The following TMEM260 variants were observed in gnomAD, a reference collection of about 807,000 sequenced individuals.
The protein encoded by TMEM260 is transmembrane protein 260.
TMEM260 carries 82 observed loss-of-function variants against 88.9 expected under a neutral mutation model. The observed-to-expected ratio is 0.92, with a 90% CI of 0.77 to 1.11. The LOEUF is 1.11. Among genes scored for constraint, TMEM260 ranks in the 50% least tolerant of loss-of-function variants. The pLI, the probability that TMEM260 is intolerant of heterozygous loss-of-function variation, is 0.00. For synonymous variants in TMEM260, 314 were observed against 309.3 expected (o/e 1.02, Z -0.16); for missense variants, 902 against 853.4 (o/e 1.06, Z -0.71).
At chr14:56,640,413 CA>C (rs1352389357) in intron 15 of TMEM260, among the ~76,000 whole-genome samples, 1 of 152,162 alleles carries the variant, frequency 6.6e-6, no homozygotes, top group Non-Finnish European at 1.5e-5. Context: ...CAGCAAACTC[CA>C]AAAGACCTGC....
rs890940479 is a variant in TMEM260 at position 56,596,406 on chromosome 14, GTATATA to G, written c.345-7394_345-7389del. Reference sequence around the variant, plus strand: ...AGTGTGTGTGTGTGTGTGTGTGTGTGTATATATATATATATATATACATACACACAC... The same window carrying G: ...AGTGTGTGTGTGTGTGTGTGTGTGTGTATATATATATATACATACACACAC... On this transcript the variant is annotated intron_variant, in intron 3 of 15. Transcript: ENST00000261556. Among the ~76,000 whole-genome samples, 15 of 111,326 alleles carry G rather than the reference GTATATA, an allele frequency of 1.3e-4. No homozygotes were observed. In the South Asian group the frequency reaches 1.4e-3, roughly 10 times the overall value. The allele number at this position is 111,326 out of a possible 152,430, so 73.0% of individuals were successfully genotyped here. A position where few individuals can be genotyped will look rare whatever the true frequency, so the allele number is the denominator to read the frequency against.
At chr14:56,631,828 TC>T in intron 12 of TMEM260, among the ~76,000 whole-genome samples, 1 of 152,118 alleles carries the variant, frequency 6.6e-6, no homozygotes, top group East Asian at 1.9e-4. Context: ...TTCAGGTGTT[TC>T]TATCTATCTG....
chr14:56,627,205 CTTAT>C (rs1454469818), intron 12 of TMEM260, among the ~76,000 whole-genome samples: 18 of 152,026 alleles, frequency 1.2e-4, no homozygotes, highest in African/African-American at 4.3e-4. Context: ...ATAAATATGA[CTTAT>C]TTAATATCAG....
intron 15 of TMEM260, among the ~76,000 whole-genome samples, chr14:56,640,926 G>A (rs1463644655): frequency 6.6e-6 from 1 of 151,978 alleles, no homozygotes; most frequent in Non-Finnish European, 1.5e-5. Flanking sequence ...ATGAAATGCA[G>A]CGAGAAGTTT....
chr14:56,585,589 T>C (rs1885441406), intron 2 of TMEM260, 172 bp from the exon 3 acceptor site: 2 of 606,404 alleles, frequency 3.3e-6, no homozygotes, highest in Non-Finnish European at 5.6e-6. Context: ...AAAGAAAATA[T>C]TTATTTGTAT....
chr14:56,637,018 G>C (rs1889145623), intron 15 of TMEM260, among the ~76,000 whole-genome samples: 1 of 152,110 alleles, frequency 6.6e-6, no homozygotes, highest in Non-Finnish European at 1.5e-5. Context: ...AGAAGCAGAG[G>C]GCAGAGAGAG....
chr14:56,625,659 C>A, intron 12 of TMEM260, 129 bp downstream of exon 12: 1 of 656,040 alleles, frequency 1.5e-6, no homozygotes, highest in Non-Finnish European at 2.5e-6. Context: ...GTGAGATTAT[C>A]TTTGTAATTA....
At chr14:56,596,543 G>A (rs1002439140) in intron 3 of TMEM260, among the ~76,000 whole-genome samples, 15 of 150,216 alleles carry the variant, frequency 1.0e-4, no homozygotes, top group African/African-American at 3.7e-4. Context: ...GAGGCGGGTG[G>A]ATCACCTGAG....
downstream of TMEM260, among the ~76,000 whole-genome samples, chr14:56,654,814 C>CAAAAAAAAA (rs750160414): frequency 3.9e-5 from 2 of 51,806 alleles, no homozygotes; most frequent in African/African-American, 2.0e-4. Context: ...AACTCCATCT[C>CAAAAAAAAA]AAAAAAAAAA....
chr14:56,634,679 G>T (rs2009290), intron 13 of TMEM260, among the ~76,000 whole-genome samples: 120,753 of 151,970 alleles, frequency 0.79, 48,272 homozygotes, highest in East Asian at 0.99. Context: ...CCATTTCCAC[G>T]AAAAATACAA....
chr14:56,650,903 C>T (rs1173313688), downstream of TMEM260, among the ~76,000 whole-genome samples: 2 of 152,022 alleles, frequency 1.3e-5, no homozygotes, highest in East Asian at 1.9e-4. Context: ...CTGTTACTCC[C>T]GACTTCTGGT....
In TMEM260 at chr14:56,615,954, AC is replaced by A; in HGVS notation, c.869del (p.Thr290LysfsTer3). 1.2e-6 allele frequency: 2 copies of A among 1,612,708 alleles called. No homozygotes were observed. The highest frequency in any genetic ancestry group is 1.7e-6 in the Non-Finnish European group (2 of 1,178,964). On this transcript the variant is annotated frameshift_variant, in exon 8 of 16. Coordinates refer to ENST00000261556, the MANE Select transcript of TMEM260 (RefSeq NM_017799.4). LOFTEE classifies it high-confidence loss of function. ...GATTGTTTTTTGCAGTTCTCAAGTA[AC>A]AAATATGAGGACCGAACTCTCATTC... ...SMSEILLSQV[T>X]NMRTELSFNI...
At position 56,633,054 on chromosome 14, in the gene TMEM260, A is replaced by C. The variant is rs747424981; in HGVS notation, c.1607A>C (p.Tyr536Ser). ...HEGDPTWKKN[Y>S]SLWPWGSCDK... ...GGCGACCCAACCTGGAAAAAGAACT[A>C]TTCACTTTGGCCATGGGGGTCTTGT... The change falls in exon 13 of 16, where the codon TAT becomes TCT. Residue 536 changes from tyrosine to serine, a missense_variant. Transcript: ENST00000261556. The C allele has an allele frequency of 3.7e-6, 6 of 1,613,794 alleles. No homozygotes were observed. The African/African-American group carries it at 8.0e-5, about 22-fold the overall frequency.
chr14:56,639,919 G>A (rs1321098392), intron 15 of TMEM260, among the ~76,000 whole-genome samples: 1 of 152,186 alleles, frequency 6.6e-6, no homozygotes, highest in Admixed American at 6.5e-5. Flanking sequence ...ACTGCAAGGT[G>A]GCAGCAAGGC....
chr14:56,652,127 C>G (rs1001198391), downstream of TMEM260, among the ~76,000 whole-genome samples: 8 of 152,092 alleles, frequency 5.3e-5, no homozygotes, highest in African/African-American at 1.9e-4. Flanking sequence ...AAAATCACAC[C>G]CAGTTTTCTC....
chr14:56,662,538 T>C, the TMEM260 span, among the ~76,000 whole-genome samples: 2 of 152,170 alleles, frequency 1.3e-5, no homozygotes, highest in Admixed American at 6.6e-5. Flanking sequence ...CTGCAACTGC[T>C]ACAACCAGAA....
At chr14:56,631,252 T>G (rs1445411509) in intron 12 of TMEM260, among the ~76,000 whole-genome samples, 1 of 152,212 alleles carries the variant, frequency 6.6e-6, no homozygotes, top group East Asian at 1.9e-4. Flanking sequence ...GGGTCTTGCA[T>G]TCCCTTCTCC....
At chr14:56,650,317 C>T (rs909923733), downstream of TMEM260, 21 of 283,690 alleles carry the variant, frequency 7.4e-5, no homozygotes, top group Non-Finnish European at 1.3e-4. Flanking sequence ...AGGGCCCTGC[C>T]GCCCTGGCAC....
In TMEM260 at chr14:56,580,065, G is replaced by A; in HGVS notation, c.151G>A (p.Gly51Arg). 2 of 1,251,984 alleles carry A rather than the reference G, an allele frequency of 1.6e-6. No homozygotes were observed. Among genetic ancestry groups the A allele is most frequent in the South Asian group, 4.0e-5 (1 of 24,738 alleles). The allele number at this position is 1,251,984 out of a possible 1,614,324, so 77.6% of individuals were successfully genotyped here. A position where few individuals can be genotyped will look rare whatever the true frequency, so the allele number is the denominator to read the frequency against. Residue 51 changes from glycine to arginine, a missense_variant, in exon 1 of 16, where the codon GGA (glycine) becomes AGA (arginine). Coordinates refer to ENST00000261556, the MANE Select transcript of TMEM260 (RefSeq NM_017799.4). ...TFTLPPSVPG[G>R]DSGELITAAH... ...CACCCTGCCCCCTTCGGTACCGGGG[G>A]GAGACTCCGGTAAAGTACTCGCAGG...
Sources: allele counts gnomAD v4.1 joint callset (sites outside exome capture counted in the v4.1 genomes callset), GRCh38; gene constraint gnomAD v4.1.1; transcripts MANE v1.5; gene names NCBI Gene and HGNC (gene_info 2026-07-23, HGNC 2026-07-21).